Variants in DMD observed in about 807,000 individuals in gnomAD.
DMD encodes the protein dystrophin.
DMD carries 63 observed loss-of-function variants against 330.1 expected under a neutral mutation model. The observed-to-expected ratio is 0.19, with a 90% CI of 0.16 to 0.24. The LOEUF is 0.24. Among genes scored for constraint, DMD ranks in the 10% least tolerant of loss-of-function variants. DMD has a pLI of 1.00. For missense variants in DMD, 3,344 were observed against 2,684.1 expected (o/e 1.25, Z -5.43); for synonymous variants, 1,223 against 959.8 (o/e 1.27, Z -5.07).
intron 48 of DMD, among the ~76,000 whole-genome samples, chrX:31,860,587 A>G (rs968731715): frequency 1.8e-5 from 2 of 112,342 alleles, no homozygotes; most frequent in Non-Finnish European, 3.8e-5. Context: ...TCAAATGGCA[A>G]ACCATTGTGG....
intron 53 of DMD, among the ~76,000 whole-genome samples, chrX:31,675,833 A>G (rs939312766): frequency 6.2e-5 from 7 of 112,839 alleles, no homozygotes; most frequent in Non-Finnish European, 1.1e-4. Flanking sequence ...ATCAGAATTT[A>G]AAATTTAATT....
intron 7 of DMD, among the ~76,000 whole-genome samples, chrX:32,770,179 C>A (rs2073452335): frequency 9.0e-6 from 1 of 111,528 alleles, no homozygotes; most frequent in Non-Finnish European, 1.9e-5. Context: ...GTTGTATTAA[C>A]AAGAGAATGA....
At chrX:31,504,456 C>G (rs1215550177) in intron 56 of DMD, among the ~76,000 whole-genome samples, 1 of 111,446 alleles carries the variant, frequency 9.0e-6, no homozygotes. Context: ...AACAATGGGC[C>G]AACTGTAATT....
chrX:31,477,796 TACAC>T lies in DMD; in HGVS notation c.8937+306_8937+309del, dbSNP rs10597133. Among the ~76,000 whole-genome samples the T allele has an allele frequency of 0.062, 6,125 of 98,728 alleles. 275 individuals carry two copies. Among genetic ancestry groups the T allele is most frequent in the African/African-American group, 0.15 (4,053 of 27,443 alleles). The allele number at this position is 98,728 out of a possible 115,157, so 85.7% of individuals were successfully genotyped here. A position where few individuals can be genotyped will look rare whatever the true frequency, so the allele number is the denominator to read the frequency against. On this transcript the variant is annotated intron_variant, in intron 59 of 78. Transcript: ENST00000357033. Reference sequence around the variant, plus strand: ...CTAAGTAACACAAGCAATACACCAATACACACACACACACACACACACACACACA... The same window carrying T: ...CTAAGTAACACAAGCAATACACCAATACACACACACACACACACACACACA...
At chrX:33,209,990 T>C in intron 1 of DMD, among the ~76,000 whole-genome samples, 1 of 109,940 alleles carries the variant, frequency 9.1e-6, no homozygotes, top group Non-Finnish European at 1.9e-5. Flanking sequence ...AAACAAAAAA[T>C]AAAAATGTGT....
At chrX:32,641,579 G>T (rs558691497) in intron 11 of DMD, 8 of 161,566 alleles carry the variant, frequency 5.0e-5, no homozygotes, top group Non-Finnish European at 9.8e-5. Flanking sequence ...TTGGTAGATA[G>T]GATTAATAAT....
chrX:31,979,574 G>T (rs6631450), intron 44 of DMD, among the ~76,000 whole-genome samples: 24,534 of 110,429 alleles, frequency 0.22, 2,077 homozygotes, highest in African/African-American at 0.32. Flanking sequence ...TTGGTAAAAA[G>T]CATGATTAAA....
chrX:31,187,099 AC>A (rs199670488), intron 67 of DMD, among the ~76,000 whole-genome samples: 1,352 of 112,818 alleles, frequency 0.012, 23 homozygotes, highest in African/African-American at 0.041. Context: ...TCTGTGTCTT[AC>A]TTTTTCTCTG....
Position 32,738,675 on chromosome X carries a change from T to TG in DMD, c.650-39383_650-39382insC, listed in dbSNP as rs1296899252. On this transcript the variant is annotated intron_variant, in intron 7 of 78. Coordinates refer to ENST00000357033, the MANE Select transcript of DMD (RefSeq NM_004006.3). ...AAACTAGGAGACTGAAAACTTCTTC[T>TG]ACATGTTCACTTGTCACCCGTCTGC... 0.065 allele frequency among the ~76,000 whole-genome samples: 6,996 copies of TG among 108,222 alleles called. 2 individuals are homozygous for TG. The highest frequency in any genetic ancestry group is 0.24 in the African/African-American group (6,566 of 27,503). 94.0% of individuals were successfully genotyped at this position (108,222 alleles called of 115,157 possible). A position where few individuals can be genotyped will look rare whatever the true frequency, so the allele number is the denominator to read the frequency against.
chrX:33,307,807 C>G (rs926904868), intron 1 of DMD, among the ~76,000 whole-genome samples: 5 of 111,533 alleles, frequency 4.5e-5, no homozygotes, highest in African/African-American at 1.6e-4. Context: ...GGGTAGAAAG[C>G]AGTCACAGGC....
At chrX:32,205,475 G>A (rs2097064053) in intron 44 of DMD, among the ~76,000 whole-genome samples, 1 of 109,812 alleles carries the variant, frequency 9.1e-6, no homozygotes. Flanking sequence ...GGTTGCCTCT[G>A]CTCTGACTCA....
Position 33,211,453 on chromosome X carries a change from A to G in DMD, c.-141T>C. The G allele has an allele frequency of 8.8e-7, 1 of 1,139,828 alleles. No homozygotes were observed. Among genetic ancestry groups the G allele is most frequent in the Non-Finnish European group, 1.2e-6 (1 of 858,897 alleles). 93.9% of individuals were successfully genotyped at this position (1,139,828 alleles called of 1,213,427 possible). A position where few individuals can be genotyped will look rare whatever the true frequency, so the allele number is the denominator to read the frequency against. On this transcript the variant is annotated 5_prime_UTR_variant, in exon 1 of 79. Coordinates refer to ENST00000357033, the MANE Select transcript of DMD (RefSeq NM_004006.3). ...AAAAAGTAACACTTCAGTTTTTCCTATTCGTTTTTCTCCGAAGGTAATTGC... is the reference window on the plus strand; with the variant it reads ...AAAAAGTAACACTTCAGTTTTTCCTGTTCGTTTTTCTCCGAAGGTAATTGC...
At chrX:31,871,869 C>A (rs927220484) in intron 48 of DMD, among the ~76,000 whole-genome samples, 3 of 109,687 alleles carry the variant, frequency 2.7e-5, no homozygotes, top group Admixed American at 2.0e-4. Context: ...AGGAATACAG[C>A]AGGCTGTAAG....
chrX:31,365,342 AG>A (rs1165785951), intron 60 of DMD, among the ~76,000 whole-genome samples: 2 of 111,634 alleles, frequency 1.8e-5, no homozygotes, highest in African/African-American at 6.5e-5. Context: ...AAGATTATAA[AG>A]TATGCCCATT....
intron 47 of DMD, among the ~76,000 whole-genome samples, chrX:31,920,151 T>C (rs1469233970): frequency 1.8e-5 from 2 of 112,421 alleles, no homozygotes; most frequent in African/African-American, 3.2e-5. Context: ...ATGAATATAG[T>C]AGTCAGCATT....
intron 7 of DMD, among the ~76,000 whole-genome samples, chrX:32,786,658 C>T (rs1056800607): frequency 3.6e-5 from 4 of 111,669 alleles, no homozygotes; most frequent in African/African-American, 1.3e-4. Flanking sequence ...TAAAAACAAA[C>T]CCAATTAGCC....
intron 45 of DMD, 52 bp from the exon 46 acceptor site, chrX:31,932,279 A>G (rs1208966558): frequency 9.9e-7 from 1 of 1,011,336 alleles, no homozygotes; most frequent in South Asian, 2.0e-5. Context: ...TAGTTCTCAA[A>G]CTATTTGTTA....
chrX:32,337,500 G>C (rs750117810), intron 41 of DMD, among the ~76,000 whole-genome samples: 4 of 109,757 alleles, frequency 3.6e-5, no homozygotes, highest in African/African-American at 1.3e-4. Flanking sequence ...TTTCTTCACT[G>C]AAGTGGGCTT....
rs138159777 is a variant in DMD, at chrX:32,535,297, G to A, written c.2168+9862C>T. On this transcript the variant is annotated intron_variant, in intron 17 of 78. Transcript: ENST00000357033. ...CAGATCTATTCCCCACATTTCTTCT[G>A]TACTTTCTGTATTAGAGGGATATAC... 2.9e-4 allele frequency among the ~76,000 whole-genome samples: 32 copies of A among 111,798 alleles called. No individual in the cohort carries two copies. The East Asian group carries it at 3.4e-3, about 12-fold the overall frequency.
Sources: gnomAD v4.1 joint callset for allele counts (sites outside exome capture counted in the v4.1 genomes callset) on GRCh38, gnomAD v4.1.1 for gene constraint, MANE v1.5 for transcripts, NCBI Gene and HGNC (gene_info 2026-07-23, HGNC 2026-07-21) for gene names.